CBFB: variants seen among roughly 807,000 people sequenced by gnomAD.
The protein encoded by CBFB is core-binding factor subunit beta.
CBFB carries 9 observed loss-of-function variants against 30.4 expected under a neutral mutation model. The observed-to-expected ratio is 0.30, with a 90% CI of 0.18 to 0.52. The LOEUF (loss-of-function observed/expected upper bound fraction) is 0.52. CBFB is among the 20% of genes least tolerant of loss of function. The pLI is 0.97. For missense variants in CBFB, 170 were observed against 244.0 expected (o/e 0.70, Z 2.02); for synonymous variants, 94 against 84.0 (o/e 1.12, Z -0.65).
chr16:67,029,188 AGGC>A lies in CBFB; in HGVS notation c.-197_-195del, dbSNP rs557593884. 222 of 191,878 alleles carry A rather than the reference AGGC, an allele frequency of 1.2e-3. 1 individual carries two copies. Among genetic ancestry groups the A allele is most frequent in the Middle Eastern group, 1.9e-3 (1 of 522 alleles). The allele number at this position is 191,878 out of a possible 1,614,324, so 11.9% of individuals were successfully genotyped here. A position where few individuals can be genotyped will look rare whatever the true frequency, so the allele number is the denominator to read the frequency against. Reference sequence around the variant, plus strand: ...CTGCGCGGGCGGCAGGCAACGGCTGAGGCGGCGGCGGCGGCGGCGGCGGCGTGG... The same window carrying A: ...CTGCGCGGGCGGCAGGCAACGGCTGAGGCGGCGGCGGCGGCGGCGGCGTGG... On this transcript the variant is annotated 5_prime_UTR_variant, in exon 1 of 6. Transcript: ENST00000412916.
At chr16:67,056,361 A>T (rs991297679) in intron 3 of CBFB, among the ~76,000 whole-genome samples, 5 of 152,210 alleles carry the variant, frequency 3.3e-5, no homozygotes, top group Non-Finnish European at 7.3e-5. Context: ...GTCTGAACAG[A>T]AGCATACATA....
rs56360240 is a variant in CBFB at position 67,066,393 on chromosome 16, C to CAAAAAAA, written c.283-278_283-272dup. The stretch of plus-strand genomic sequence containing the variant: ...TGAAACCCCATCTCTACTAAAAATA[C>CAAAAAAA]AAAAAAAAAAAAAAAAATTAGCCAG... On this transcript the variant is annotated intron_variant, in intron 3 of 5. Transcript: ENST00000412916. Among the ~76,000 whole-genome samples the CAAAAAAA allele has an allele frequency of 1.0e-3, 100 of 96,036 alleles. 7 individuals are homozygous for CAAAAAAA. Among genetic ancestry groups the CAAAAAAA allele is most frequent in the African/African-American group, 5.4e-3 (96 of 17,678 alleles). 63.0% of individuals were successfully genotyped at this position (96,036 alleles called of 152,430 possible).
intron 2 of CBFB, chr16:67,030,110 A>C: frequency 5.8e-5 from 18 of 308,344 alleles, no homozygotes; most frequent in East Asian, 2.9e-4. Flanking sequence ...GGCGACACCG[A>C]AGAAGGGTTC....
intron 2 of CBFB, among the ~76,000 whole-genome samples, chr16:67,031,664 C>T (rs369765115): frequency 6.6e-6 from 1 of 152,146 alleles, no homozygotes; most frequent in African/African-American, 2.4e-5. Flanking sequence ...GCACACACCA[C>T]CACGCCCGGC....
intron 3 of CBFB, among the ~76,000 whole-genome samples, chr16:67,065,729 T>C (rs944287761): frequency 6.6e-6 from 1 of 152,062 alleles, no homozygotes; most frequent in Non-Finnish European, 1.5e-5. Context: ...CAACAGGGAG[T>C]TGAAATAAGT....
intron 5 of CBFB, among the ~76,000 whole-genome samples, chr16:67,090,621 C>G (rs565307827): frequency 2.0e-5 from 3 of 152,160 alleles, no homozygotes; most frequent in Admixed American, 1.3e-4. Flanking sequence ...TGACCTAAAA[C>G]TGTAATATAG....
chr16:67,029,488 GAGGC>G lies in CBFB; in HGVS notation c.78+8_78+11del, dbSNP rs755033312. Reference sequence around the variant, plus strand: ...GGAAGCTGAGCCGCGAGTGTGAGGTGAGGCAGGCGGGCGGGCGGCTAGGAGGCCG... The same window carrying G: ...GGAAGCTGAGCCGCGAGTGTGAGGTGAGGCGGGCGGGCGGCTAGGAGGCCG... On this transcript the variant is annotated splice_donor_5th_base_variant and intron_variant, in intron 1 of 5. Coordinates refer to ENST00000412916, the MANE Select transcript of CBFB (RefSeq NM_022845.3). 157 of 1,586,548 alleles carry G rather than the reference GAGGC, an allele frequency of 9.9e-5. No homozygotes were observed. Among genetic ancestry groups the G allele is most frequent in the Non-Finnish European group, 1.3e-4 (147 of 1,168,050 alleles).
chr16:67,094,245 A>G (rs13332075), intron 5 of CBFB, among the ~76,000 whole-genome samples: 13,163 of 150,866 alleles, frequency 0.087, 1,128 homozygotes, highest in African/African-American at 0.22. Context: ...AGTGTGAGCC[A>G]CCGTGTCCGG....
intron 3 of CBFB, among the ~76,000 whole-genome samples, chr16:67,050,225 CAT>C (rs971943318): frequency 8.2e-5 from 12 of 146,182 alleles, no homozygotes; most frequent in South Asian, 6.4e-4. Context: ...TTATATATCA[CAT>C]ATTTATATGT....
intron 3 of CBFB, among the ~76,000 whole-genome samples, chr16:67,052,940 CTCAAAATGAG>C (rs1013167062): frequency 2.0e-5 from 3 of 150,504 alleles, no homozygotes; most frequent in Admixed American, 6.6e-5. Flanking sequence ...AAGATGCTAT[CTCAAAATGAG>C]TCCTGGAAAT....
At chr16:67,087,868 GGTAT>G (rs1260739971) in intron 5 of CBFB, among the ~76,000 whole-genome samples, 5 of 152,082 alleles carry the variant, frequency 3.3e-5, no homozygotes, top group Non-Finnish European at 5.9e-5. Context: ...TATGATGCTT[GGTAT>G]GTGTATGCCT....
At chr16:67,048,897 C>G (rs1044136603) in intron 3 of CBFB, among the ~76,000 whole-genome samples, 6 of 145,404 alleles carry the variant, frequency 4.1e-5, no homozygotes, top group African/African-American at 1.5e-4. Flanking sequence ...CTCAGCTCAC[C>G]ACGACCTCCA....
chr16:67,047,782 T>C (rs577643779), intron 3 of CBFB, among the ~76,000 whole-genome samples: 1 of 152,148 alleles, frequency 6.6e-6, no homozygotes, highest in Non-Finnish European at 1.5e-5. Flanking sequence ...GCCATTTTTT[T>C]ACTGGGTCAG....
chr16:67,053,088 C>G (rs887154740), intron 3 of CBFB, among the ~76,000 whole-genome samples: 2 of 151,686 alleles, frequency 1.3e-5, no homozygotes, highest in Admixed American at 6.6e-5. Context: ...AAAATAATCA[C>G]TATCCTGATT....
In CBFB at chr16:67,029,710, G is replaced by T; in HGVS notation, c.79-17G>T. ...CCGCGGATTTGGCTCCTGATTTCGG[G>T]CCGTCTTGCCTTGCAGATTAAGTAC... On this transcript the variant is annotated splice_polypyrimidine_tract_variant and intron_variant, in intron 1 of 5. Coordinates refer to ENST00000412916, the MANE Select transcript of CBFB (RefSeq NM_022845.3). 6.3e-7 allele frequency: 1 copy of T among 1,578,600 alleles called. No individual in the cohort carries two copies. Among genetic ancestry groups the T allele is most frequent in the South Asian group, 1.1e-5 (1 of 87,854 alleles).
chr16:67,064,318 T>G (rs1960994369), intron 3 of CBFB, among the ~76,000 whole-genome samples: 1 of 152,188 alleles, frequency 6.6e-6, no homozygotes. Context: ...GCGATTCTCC[T>G]GTCTCAGCCT....
At chr16:67,095,880 T>TG (rs1343592731) in intron 5 of CBFB, among the ~76,000 whole-genome samples, 1 of 151,650 alleles carries the variant, frequency 6.6e-6, no homozygotes, top group East Asian at 2.0e-4. Flanking sequence ...TTAGTAGAGA[T>TG]GGGGTTTCGC....
intron 3 of CBFB, among the ~76,000 whole-genome samples, chr16:67,054,712 A>G (rs1960662008): frequency 6.6e-6 from 1 of 151,856 alleles, no homozygotes; most frequent in South Asian, 2.1e-4. Flanking sequence ...TCAGAGTCTT[A>G]TATTGGGTCT....
intron 3 of CBFB, among the ~76,000 whole-genome samples, chr16:67,042,597 T>TCTGCCTCA (rs768204625): frequency 2.0e-3 from 298 of 152,268 alleles, no homozygotes; most frequent in Non-Finnish European, 3.0e-3. Flanking sequence ...CTCATGAGGT[T>TCTGCCTCA]GCAGTCAAGC....
Sources: allele counts gnomAD v4.1 joint callset (sites outside exome capture counted in the v4.1 genomes callset), GRCh38; gene constraint gnomAD v4.1.1; transcripts MANE v1.5; gene names NCBI Gene and HGNC (gene_info 2026-07-23, HGNC 2026-07-21).